The following DCHS2 variants were observed in gnomAD, a reference collection of about 807,000 sequenced individuals.
DCHS2 encodes the protein protocadherin-23.
Under a neutral mutation model 182.4 loss-of-function variants are expected in DCHS2, and 142 were observed. That is an observed-to-expected ratio of 0.78 (90% CI 0.68 to 0.89). The LOEUF is 0.89. Ranked by LOEUF, DCHS2 falls within the 40% of genes least tolerant of loss-of-function variation. The pLI, the probability that DCHS2 is intolerant of heterozygous loss-of-function variation, is 0.00. For synonymous variants in DCHS2, 1,740 were observed against 1,663.3 expected (o/e 1.05, Z -1.12); for missense variants, 4,319 against 4,198.6 (o/e 1.03, Z -0.79).
chr4:154,451,560 C>G (rs919505904), intron 1 of DCHS2, among the ~76,000 whole-genome samples: 1 of 152,182 alleles, frequency 6.6e-6, no homozygotes, highest in Admixed American at 6.5e-5. Context: ...CTGTCCACAA[C>G]TACAACCTTA....
At chr4:154,317,176 T>G (rs1735891740) in intron 9 of DCHS2, among the ~76,000 whole-genome samples, 2 of 152,256 alleles carry the variant, frequency 1.3e-5, no homozygotes, top group Admixed American at 1.3e-4. Flanking sequence ...TATCATTTTA[T>G]GTCTTTGAAA....
chr4:154,440,242 G>A (rs1025674325), intron 1 of DCHS2, among the ~76,000 whole-genome samples: 3 of 152,116 alleles, frequency 2.0e-5, no homozygotes, highest in South Asian at 2.1e-4. Flanking sequence ...TGGCATACAC[G>A]GCCTAGCATG....
rs543245972 is a variant in DCHS2 at position 154,391,245 on chromosome 4, ATCT to A, written c.2053-13804_2053-13802del. ...AGTACTTTCAAACTGCTGAGTAAAC[ATCT>A]TCTTTTCTCCGTCTTCATTCTCTGA... On this transcript the variant is annotated intron_variant, in intron 1 of 19. Coordinates refer to ENST00000357232, the MANE Select transcript of DCHS2 (RefSeq NM_001358235.2). The A allele has an allele frequency of 4.5e-4, 733 of 1,612,844 alleles. 5 individuals carry two copies. The African/African-American group carries it at 8.7e-3, about 19-fold the overall frequency.
chr4:154,329,387 TATCTAGGTCTTCTAGAA>T (rs2111354354), intron 6 of DCHS2, 119 bp downstream of exon 6: 1 of 851,844 alleles, frequency 1.2e-6, no homozygotes, highest in Non-Finnish European at 1.8e-6. Flanking sequence ...ATGTGCACAG[TATCTAGGTCTTCTAGAA>T]AAAGTATGCT....
chr4:154,239,331 T>C (rs1283557550), intron 18 of DCHS2, 29 bp from the exon 19 acceptor site: 2 of 1,610,496 alleles, frequency 1.2e-6, no homozygotes, highest in East Asian at 2.2e-5. Context: ...AATAGGGACA[T>C]TGTGCTTAAA....
chr4:154,234,326 G>GCAA lies in DCHS2; in HGVS notation c.*207_*209dup, dbSNP rs1456712978. ...ATATATACAAATGTGAGTCCTGAGA[G>GCAA]CAACACATAAGGATTAAAAGAGGAA... On this transcript the variant is annotated 3_prime_UTR_variant, in exon 20 of 20. Coordinates refer to ENST00000357232, the MANE Select transcript of DCHS2 (RefSeq NM_001358235.2). The GCAA allele has an allele frequency of 1.6e-6, 1 of 617,564 alleles. No homozygotes were observed. The highest frequency in any genetic ancestry group is 2.6e-5 in the South Asian group (1 of 38,496). 38.3% of individuals were successfully genotyped at this position (617,564 alleles called of 1,614,324 possible). A position where few individuals can be genotyped will look rare whatever the true frequency, so the allele number is the denominator to read the frequency against.
intron 1 of DCHS2, among the ~76,000 whole-genome samples, chr4:154,415,999 T>A (rs112643246): frequency 5.1e-4 from 77 of 152,338 alleles, no homozygotes; most frequent in African/African-American, 1.7e-3. Flanking sequence ...TATACACCTG[T>A]ATACAAAATT....
chr4:154,363,646 T>C (rs551598966), intron 3 of DCHS2, among the ~76,000 whole-genome samples: 3 of 152,304 alleles, frequency 2.0e-5, no homozygotes, highest in Admixed American at 2.0e-4. Flanking sequence ...GCATTAATAA[T>C]AATGTATTAA....
At chr4:154,476,771 C>A (rs139717489) in intron 1 of DCHS2, among the ~76,000 whole-genome samples, 1 of 152,136 alleles carries the variant, frequency 6.6e-6, no homozygotes, top group South Asian at 2.1e-4. Flanking sequence ...GAACATAAGA[C>A]GCATTACGTG....
At chr4:154,435,546 A>C (rs1368126365) in intron 1 of DCHS2, among the ~76,000 whole-genome samples, 2 of 151,922 alleles carry the variant, frequency 1.3e-5, no homozygotes, top group East Asian at 3.9e-4. Flanking sequence ...CAGTGAGCCC[A>C]GATTGCACCA....
intron 1 of DCHS2, among the ~76,000 whole-genome samples, chr4:154,436,546 TATGGTTTATTTAAAA>T (rs1733785814): frequency 6.6e-6 from 1 of 152,222 alleles, no homozygotes; most frequent in African/African-American, 2.4e-5. Flanking sequence ...CACATTACTG[TATGGTTTATTTAAAA>T]ATCCTTTATC....
chr4:154,484,586 C>T (rs1402213348), intron 1 of DCHS2, among the ~76,000 whole-genome samples: 1 of 152,202 alleles, frequency 6.6e-6, no homozygotes, highest in East Asian at 1.9e-4. Flanking sequence ...ACCTGATCTA[C>T]TTTCACTACA....
chr4:154,299,404 C>T (rs1477329811), intron 12 of DCHS2, among the ~76,000 whole-genome samples: 1 of 152,098 alleles, frequency 6.6e-6, no homozygotes, highest in Non-Finnish European at 1.5e-5. Flanking sequence ...AAATTGAACA[C>T]AGGGACAAAA....
chr4:154,478,822 C>T (rs1259122024), intron 1 of DCHS2, among the ~76,000 whole-genome samples: 1 of 152,120 alleles, frequency 6.6e-6, no homozygotes, highest in Non-Finnish European at 1.5e-5. Flanking sequence ...AGTTTGAGTC[C>T]AATCAAGTTG....
chr4:154,321,142 T>G lies in DCHS2; in HGVS notation c.4257A>C (p.Thr1419=). The change falls in exon 9 of 20, where the codon ACA becomes ACC. Residue 1419 remains threonine (T), a synonymous_variant. Coordinates refer to ENST00000357232, the MANE Select transcript of DCHS2 (RefSeq NM_001358235.2). ...HLIIPENLKP[T]KIMSLIKSSD... The stretch of plus-strand genomic sequence containing the variant: ...ATGACTTTATCAAGCTCATTATTTT[T>G]GTGGGCTTCAAATTTTCTGGTATAA... The G allele has an allele frequency of 1.9e-6, 3 of 1,595,438 alleles. No homozygotes were observed. In the South Asian group the frequency reaches 3.4e-5, roughly 18 times the overall value.
At chr4:154,345,366 G>C (rs908167305) in intron 3 of DCHS2, among the ~76,000 whole-genome samples, 8 of 152,178 alleles carry the variant, frequency 5.3e-5, no homozygotes, top group African/African-American at 1.7e-4. Context: ...TACTGTTTCT[G>C]TTTTCCTGAC....
chr4:154,386,725 A>G (rs1731438265), intron 1 of DCHS2, among the ~76,000 whole-genome samples: 1 of 152,174 alleles, frequency 6.6e-6, no homozygotes. Flanking sequence ...TTGTTGCATG[A>G]ATTAATGAAT....
intron 1 of DCHS2, among the ~76,000 whole-genome samples, chr4:154,389,739 AC>A (rs911756648): frequency 1.3e-5 from 2 of 151,484 alleles, no homozygotes; most frequent in African/African-American, 4.9e-5. Flanking sequence ...ACACTCCACG[AC>A]CCCCACCCCT....
Position 154,322,489 on chromosome 4 carries a change from C to T in DCHS2, c.4019-1G>A, listed in dbSNP as rs756201783. 5.7e-6 allele frequency: 9 copies of T among 1,590,282 alleles called. No individual in the cohort carries two copies. The Admixed American group carries it at 1.3e-4, about 23-fold the overall frequency. On this transcript the variant is annotated splice_acceptor_variant, in intron 7 of 19. Coordinates refer to ENST00000357232, the MANE Select transcript of DCHS2 (RefSeq NM_001358235.2). LOFTEE classifies it high-confidence loss of function. ...ATCTTAAAGTGATCAGAACTATCTT[C>T]TACACACACAAGAAAATTAAGAAAT...
Sources: gnomAD v4.1 joint callset for allele counts (sites outside exome capture counted in the v4.1 genomes callset) on GRCh38, gnomAD v4.1.1 for gene constraint, MANE v1.5 for transcripts, NCBI Gene and HGNC (gene_info 2026-07-23, HGNC 2026-07-21) for gene names.